Variants in UNC5D observed in about 807,000 individuals in gnomAD.
UNC5D encodes netrin receptor UNC5D.
Under a neutral mutation model 105.4 loss-of-function variants are expected in UNC5D, and 39 were observed. The ratio of observed to expected loss-of-function variants is 0.37; its 90% CI spans 0.29 to 0.48. The LOEUF (loss-of-function observed/expected upper bound fraction) is 0.48. UNC5D is among the 20% of genes least tolerant of loss of function. UNC5D has a pLI of 0.98. For missense variants in UNC5D, 991 were observed against 1,202.4 expected, an observed-to-expected ratio of 0.82 and a Z score of 2.60; for synonymous variants, 452 against 450.4, an observed-to-expected ratio of 1.00 and a Z score of -0.04.
chr8:35,730,390 G>A (rs111725630), intron 10 of UNC5D, among the ~76,000 whole-genome samples: 12 of 152,174 alleles, frequency 7.9e-5, no homozygotes, highest in South Asian at 6.2e-4. Flanking sequence ...GTAACCTTTC[G>A]CCTTAACCCT....
chr8:35,494,150 TAAA>T (rs1405903031), intron 1 of UNC5D, among the ~76,000 whole-genome samples: 2 of 152,120 alleles, frequency 1.3e-5, no homozygotes, highest in African/African-American at 4.8e-5. Context: ...TCTTAAACTC[TAAA>T]GAAATATACA....
chr8:35,457,036 A>C (rs567747237), intron 1 of UNC5D, among the ~76,000 whole-genome samples: 1 of 152,290 alleles, frequency 6.6e-6, no homozygotes, highest in African/African-American at 2.4e-5. Context: ...GTCCTTGAGC[A>C]AGTTTCTTAT....
chr8:35,773,703 C>T (rs1279367641), intron 15 of UNC5D, among the ~76,000 whole-genome samples: 2 of 147,074 alleles, frequency 1.4e-5, no homozygotes, highest in East Asian at 3.9e-4. Context: ...ATTCTGCTCT[C>T]ACCTGACAGT....
intron 1 of UNC5D, among the ~76,000 whole-genome samples, chr8:35,270,777 C>T (rs552198617): frequency 1.9e-4 from 29 of 152,160 alleles, no homozygotes; most frequent in African/African-American, 4.6e-4. Context: ...GCATCATGGC[C>T]GTTTAAAACA....
At chr8:35,756,557 A>T (rs946044603) in intron 13 of UNC5D, among the ~76,000 whole-genome samples, 1 of 150,948 alleles carries the variant, frequency 6.6e-6, no homozygotes, top group African/African-American at 2.5e-5. Context: ...TCTTTAAAAA[A>T]AAAAAAAAAA....
intron 1 of UNC5D, among the ~76,000 whole-genome samples, chr8:35,447,975 A>T (rs1422499420): frequency 6.6e-6 from 1 of 152,056 alleles, no homozygotes; most frequent in African/African-American, 2.4e-5. Context: ...GTTCCTAAAA[A>T]GTCATCTCAT....
chr8:35,465,282 C>T (rs1809222092), intron 1 of UNC5D, among the ~76,000 whole-genome samples: 1 of 152,186 alleles, frequency 6.6e-6, no homozygotes, highest in African/African-American at 2.4e-5. Context: ...GTCCCAGCTA[C>T]TTGGAAGGCT....
chr8:35,495,669 C>T (rs1811534498), intron 1 of UNC5D, among the ~76,000 whole-genome samples: 5 of 151,990 alleles, frequency 3.3e-5, no homozygotes, highest in Admixed American at 6.6e-5. Flanking sequence ...CTGTGCCTCT[C>T]AGAGACTAGT....
At chr8:35,276,296 C>G (rs559386751) in intron 1 of UNC5D, among the ~76,000 whole-genome samples, 11 of 152,126 alleles carry the variant, frequency 7.2e-5, no homozygotes, top group East Asian at 1.9e-4. Flanking sequence ...TTTTCTCCCC[C>G]CTAACATCAG....
intron 1 of UNC5D, among the ~76,000 whole-genome samples, chr8:35,450,747 C>A (rs1229369191): frequency 5.3e-5 from 8 of 152,114 alleles, no homozygotes; most frequent in African/African-American, 1.9e-4. Flanking sequence ...AAATGATACG[C>A]CTTCCATAGA....
rs192245148 is a variant in UNC5D at position 35,647,045 on chromosome 8, A to T, written c.571-36502A>T. On this transcript the variant is annotated intron_variant, in intron 4 of 16. Transcript: ENST00000404895. ...AGTTCAAACACTTATTCCCAGTCCA[A>T]ATAGGAGGATGATTCATTAGCAGAT... 3.6e-4 allele frequency among the ~76,000 whole-genome samples: 55 copies of T among 152,276 alleles called. 1 individual carries two copies. Among genetic ancestry groups the T allele is most frequent in the East Asian group, 3.5e-3 (18 of 5,178 alleles).
intron 1 of UNC5D, among the ~76,000 whole-genome samples, chr8:35,324,383 C>A (rs749120225): frequency 7.2e-5 from 11 of 151,990 alleles, no homozygotes; most frequent in Non-Finnish European, 1.5e-4. Flanking sequence ...AATAAAAATC[C>A]TTTCCCATTT....
intron 1 of UNC5D, among the ~76,000 whole-genome samples, chr8:35,369,399 A>T (rs914962702): frequency 6.6e-6 from 1 of 152,234 alleles, no homozygotes; most frequent in Non-Finnish European, 1.5e-5. Context: ...GTATATACAC[A>T]TTTCAGAGAT....
intron 1 of UNC5D, among the ~76,000 whole-genome samples, chr8:35,401,210 G>A (rs558434197): frequency 6.6e-6 from 1 of 152,084 alleles, no homozygotes; most frequent in Non-Finnish European, 1.5e-5. Flanking sequence ...GGGGCCAGGT[G>A]CAGTGGTTCA....
rs35131097 is a variant in UNC5D at position 35,428,346 on chromosome 8, A to ATTTTTT, written c.104-120928_104-120923dup. Among the ~76,000 whole-genome samples the ATTTTTT allele has an allele frequency of 1.1e-4, 10 of 92,808 alleles. 1 individual carries two copies. The highest frequency in any genetic ancestry group is 3.9e-4 in the South Asian group (1 of 2,534). 60.9% of individuals were successfully genotyped at this position (92,808 alleles called of 152,430 possible). On this transcript the variant is annotated intron_variant, in intron 1 of 16. Transcript: ENST00000404895. The stretch of plus-strand genomic sequence containing the variant: ...CAGGTACATGCCACCATGCCTGGCT[A>ATTTTTT]TTTTTTTTTTTTTTTTTTTTTTTGA...
At chr8:35,518,359 G>A (rs1358390899) in intron 1 of UNC5D, among the ~76,000 whole-genome samples, 2 of 151,828 alleles carry the variant, frequency 1.3e-5, no homozygotes, top group Non-Finnish European at 2.9e-5. Context: ...ATACTTCTAT[G>A]TACTTGTAAT....
Position 35,304,578 on chromosome 8 carries a change from GTA to G in UNC5D, c.103+68693_103+68694del, listed in dbSNP as rs1470304926. ...TTATGCTGTAAGTGCACAAGCGTGT[GTA>G]TGCGTGCATGTGTGTGTTTTCCTAT... On this transcript the variant is annotated intron_variant, in intron 1 of 16. Transcript: ENST00000404895. Among the ~76,000 whole-genome samples the G allele has an allele frequency of 2.0e-5, 3 of 152,186 alleles. No individual in the cohort carries two copies. In the East Asian group the frequency reaches 5.8e-4, roughly 29 times the overall value.
intron 1 of UNC5D, among the ~76,000 whole-genome samples, chr8:35,256,768 A>G (rs892979655): frequency 2.0e-5 from 3 of 152,162 alleles, no homozygotes; most frequent in African/African-American, 7.2e-5. Flanking sequence ...AAGAGGATGG[A>G]CATAGAATTG....
intron 8 of UNC5D, among the ~76,000 whole-genome samples, chr8:35,708,957 A>T (rs867130866): frequency 4.6e-5 from 7 of 152,084 alleles, no homozygotes; most frequent in Non-Finnish European, 1.0e-4. Flanking sequence ...ACAGTATACC[A>T]TCAACTCAGT....
Sources: allele counts gnomAD v4.1 joint callset (sites outside exome capture counted in the v4.1 genomes callset), GRCh38; gene constraint gnomAD v4.1.1; transcripts MANE v1.5; gene names NCBI Gene and HGNC (gene_info 2026-07-23, HGNC 2026-07-21).